NIPSNAP3B: variants seen among roughly 807,000 people sequenced by gnomAD.
NIPSNAP3B encodes the protein nipsnap homolog 3B.
A neutral mutation model predicts 31.5 loss-of-function variants in NIPSNAP3B; 30 were observed. That is an observed-to-expected ratio of 0.95 (90% CI 0.71 to 1.29). The LOEUF (loss-of-function observed/expected upper bound fraction) is 1.29. NIPSNAP3B is among the 50% of genes most tolerant of loss of function. The probability of loss-of-function intolerance (pLI) is 0.00; values close to 1 mark genes in which losing one functional copy is unlikely to be tolerated. For missense variants in NIPSNAP3B, 269 were observed against 300.7 expected (o/e 0.89, Z 0.78); for synonymous variants, 106 against 107.9 (o/e 0.98, Z 0.11).
At chr9:104,766,257 G>A in intron 1 of NIPSNAP3B, 68 bp from the exon 2 acceptor site, 1 of 1,299,796 alleles carries the variant, frequency 7.7e-7, no homozygotes, top group Non-Finnish European at 1.1e-6. Flanking sequence ...ACCAGACTCA[G>A]ATTTGGTTGT....
chr9:104,769,088 AG>A (rs1298181281), intron 3 of NIPSNAP3B, 67 bp downstream of exon 3: 1 of 1,184,208 alleles, frequency 8.4e-7, no homozygotes, highest in Non-Finnish European at 1.2e-6. Flanking sequence ...AGTTATAAAG[AG>A]TAAAGTTCTA....
At chr9:104,768,764 C>T in intron 2 of NIPSNAP3B, 99 bp from the exon 3 acceptor site, 1 of 961,562 alleles carries the variant, frequency 1.0e-6, no homozygotes, top group Non-Finnish European at 1.5e-6. Context: ...ATGGGGTTCC[C>T]ATATGGCCTT....
chr9:104,778,027 T>C (rs1432411190), downstream of NIPSNAP3B, among the ~76,000 whole-genome samples: 2 of 152,226 alleles, frequency 1.3e-5, no homozygotes, highest in African/African-American at 4.8e-5. Context: ...TCTGCCTTCC[T>C]GAAACAATAA....
the NIPSNAP3B span, among the ~76,000 whole-genome samples, chr9:104,784,694 A>G: frequency 1.7e-4 from 26 of 152,272 alleles, 1 homozygote; most frequent in South Asian, 1.7e-3. Flanking sequence ...CCCAGGCTGG[A>G]GTGCAGTGGC....
At chr9:104,783,038 T>C in the NIPSNAP3B span, 2 of 152,578 alleles carry the variant, frequency 1.3e-5, no homozygotes, top group African/African-American at 2.4e-5. Context: ...AATATTTGAT[T>C]GATGAAGTGA....
downstream of NIPSNAP3B, chr9:104,781,108 T>A (rs1261512572): frequency 1.3e-5 from 2 of 151,904 alleles, no homozygotes; most frequent in Non-Finnish European, 2.9e-5. Context: ...ACATACAAAA[T>A]TTTTTTTCTT....
intron 3 of NIPSNAP3B, 21 bp downstream of exon 3, chr9:104,769,042 C>G: frequency 6.3e-7 from 1 of 1,594,756 alleles, no homozygotes; most frequent in Non-Finnish European, 8.5e-7. Context: ...CCCTCTTAGA[C>G]TATGAGTTTT....
Position 104,775,584 on chromosome 9 carries a change from G to C in NIPSNAP3B, c.*2511G>C, listed in dbSNP as rs183189820. On this transcript the variant is annotated 3_prime_UTR_variant, in exon 6 of 6. Coordinates refer to ENST00000374762, the MANE Select transcript of NIPSNAP3B (RefSeq NM_018376.4). ...TTCAAATGCTATCTGTGTGTGGATA[G>C]CTCCTCCAGTCCACACCTCTTTTCT... Among the ~76,000 whole-genome samples the C allele has an allele frequency of 1.4e-4, 22 of 152,186 alleles. No individual in the cohort carries two copies. In the East Asian group the frequency reaches 4.3e-3, roughly 29 times the overall value.
the NIPSNAP3B span, chr9:104,785,391 C>T: frequency 1.2e-6 from 2 of 1,613,878 alleles, no homozygotes; most frequent in South Asian, 1.1e-5. Context: ...ACACTCAAAG[C>T]TTACTTGGTC....
intron 1 of NIPSNAP3B, among the ~76,000 whole-genome samples, chr9:104,764,578 C>G (rs576408035): frequency 5.9e-5 from 9 of 152,192 alleles, no homozygotes; most frequent in Non-Finnish European, 1.2e-4. Flanking sequence ...CTCGCTCTGT[C>G]GCCCAGGCTG....
chr9:104,773,000 G>T lies in NIPSNAP3B; in HGVS notation c.671G>T (p.Arg224Leu), dbSNP rs779967255. The change falls in exon 6 of 6, where the codon CGG becomes CTG. Residue 224 changes from arginine (R) to leucine (L), a missense_variant. By Grantham distance (102) the Arg-to-Leu change is moderately radical (BLOSUM62 -2). Transcript: ENST00000374762. ...TTCTTATGAAATGTTTTTCCAGTTC[G>T]GGAAAGTGTCAACTACCTAGTTTCT... ...HEDPRVVAAV[R>L]ESVNYLVSQQ... 22 of 1,613,880 alleles carry T rather than the reference G, an allele frequency of 1.4e-5. No homozygotes were observed. The highest frequency in any genetic ancestry group is 1.6e-4 in the Middle Eastern group (1 of 6,082).
chr9:104,769,074 C>T (rs1272949582), intron 3 of NIPSNAP3B, 53 bp downstream of exon 3: 21 of 1,386,188 alleles, frequency 1.5e-5, no homozygotes, highest in Admixed American at 4.4e-5. Flanking sequence ...TACTAAAGAC[C>T]TAAAGTTATA....
chr9:104,790,071 G>A, the NIPSNAP3B span, among the ~76,000 whole-genome samples: 1 of 151,170 alleles, frequency 6.6e-6, no homozygotes, highest in Non-Finnish European at 1.5e-5. Context: ...TCTCCAGCCT[G>A]GGCAGTAAGA....
At chr9:104,772,197 G>GT (rs904903715) in intron 4 of NIPSNAP3B, among the ~76,000 whole-genome samples, 149 of 142,354 alleles carry the variant, frequency 1.0e-3, no homozygotes, top group Middle Eastern at 3.7e-3. Context: ...TCTGTTGACA[G>GT]TTTTTTTTTT....
the NIPSNAP3B span, chr9:104,787,019 A>G: frequency 1.3e-6 from 2 of 1,548,972 alleles, no homozygotes; most frequent in Non-Finnish European, 8.8e-7. Context: ...GGGGGGAAAA[A>G]AAATCAAAGA....
the NIPSNAP3B span, chr9:104,786,433 CTGTAACCA>C: frequency 6.5e-7 from 1 of 1,545,624 alleles, no homozygotes; most frequent in South Asian, 1.1e-5. Flanking sequence ...GAGAGATTCT[CTGTAACCA>C]TGAGAACATC....
rs1828333644 is a variant in NIPSNAP3B, at chr9:104,776,266, A to G, written c.*3193A>G. On this transcript the variant is annotated 3_prime_UTR_variant, in exon 6 of 6. Coordinates refer to ENST00000374762, the MANE Select transcript of NIPSNAP3B (RefSeq NM_018376.4). ...CTGCCTGGAATGCTCTTCCCCAGAC[A>G]TGCATCTGCGTGGATCATTTCCATG... is the stretch of plus-strand genomic sequence containing the variant. 6.6e-6 allele frequency among the ~76,000 whole-genome samples: 1 copy of G among 152,114 alleles called. No homozygotes were observed. Among genetic ancestry groups the G allele is most frequent in the Non-Finnish European group, 1.5e-5 (1 of 68,022 alleles).
chr9:104,786,786 A>T, the NIPSNAP3B span: 1 of 1,244,194 alleles, frequency 8.0e-7, no homozygotes, highest in African/African-American at 1.5e-5. Flanking sequence ...GCTTTTCTGT[A>T]TTTTCTAATT....
chr9:104,769,830 T>C (rs1028842785), intron 3 of NIPSNAP3B, among the ~76,000 whole-genome samples: 7 of 152,226 alleles, frequency 4.6e-5, no homozygotes, highest in Non-Finnish European at 7.3e-5. Context: ...AGCTACATTA[T>C]TGTAGTTTAA....
Sources: allele counts gnomAD v4.1 joint callset (sites outside exome capture counted in the v4.1 genomes callset), GRCh38; gene constraint gnomAD v4.1.1; transcripts MANE v1.5; gene names NCBI Gene and HGNC (gene_info 2026-07-23, HGNC 2026-07-21).